Variants in APBA2 observed in about 807,000 individuals in gnomAD.
APBA2 encodes amyloid-beta A4 precursor protein-binding family A member 2.
APBA2 carries 30 observed loss-of-function variants against 75.0 expected under a neutral mutation model. The observed-to-expected ratio is 0.40, with a 90% confidence interval of 0.30 to 0.54. APBA2 has a LOEUF of 0.54. Among genes scored for constraint, APBA2 ranks in the 20% least tolerant of loss-of-function variants. The pLI, the probability that APBA2 is intolerant of heterozygous loss-of-function variation, is 0.49. For missense variants in APBA2, 801 were observed against 1,016.1 expected, an observed-to-expected ratio of 0.79 and a Z score of 2.88; for synonymous variants, 444 against 409.6, an observed-to-expected ratio of 1.08 and a Z score of -1.01.
At chr15:28,941,945 G>C (rs1009381098) in intron 2 of APBA2, among the ~76,000 whole-genome samples, 6 of 152,232 alleles carry the variant, frequency 3.9e-5, no homozygotes, top group African/African-American at 1.4e-4. Context: ...ATTTTTAGTA[G>C]AGACACGGTT....
At chr15:28,996,249 G>T (rs1471420583) in intron 3 of APBA2, among the ~76,000 whole-genome samples, 1 of 152,190 alleles carries the variant, frequency 6.6e-6, no homozygotes, top group African/African-American at 2.4e-5. Context: ...TCACTCTCCA[G>T]TGTGGGCAGT....
chr15:29,106,139 A>G (rs1440544154), intron 11 of APBA2, among the ~76,000 whole-genome samples: 1 of 152,244 alleles, frequency 6.6e-6, no homozygotes, highest in Non-Finnish European at 1.5e-5. Context: ...TTTCTGAGAC[A>G]GTGACCTTTG....
At chr15:28,942,405 A>G (rs1566823590) in intron 2 of APBA2, among the ~76,000 whole-genome samples, 1 of 151,778 alleles carries the variant, frequency 6.6e-6, no homozygotes, top group Non-Finnish European at 1.5e-5. Context: ...ACTTCATTCC[A>G]TGTTCTTTCC....
At chr15:29,115,072 G>A (rs2045007766) in intron 14 of APBA2, among the ~76,000 whole-genome samples, 1 of 151,952 alleles carries the variant, frequency 6.6e-6, no homozygotes, top group African/African-American at 2.4e-5. Context: ...TCTGGGAAGC[G>A]TGGTGGCCGC....
chr15:29,108,623 C>T (rs975758038), intron 13 of APBA2: 2 of 629,780 alleles, frequency 3.2e-6, no homozygotes, highest in Admixed American at 5.9e-5. Flanking sequence ...TCCAGCCTTT[C>T]CCAGGCTCCC....
chr15:29,086,290 G>A (rs930028154), intron 6 of APBA2, among the ~76,000 whole-genome samples: 1 of 152,186 alleles, frequency 6.6e-6, no homozygotes, highest in Admixed American at 6.5e-5. Context: ...TGCTGCCTGT[G>A]ACAGACGAGA....
chr15:28,970,969 T>G (rs2037035651), intron 2 of APBA2, among the ~76,000 whole-genome samples: 1 of 152,162 alleles, frequency 6.6e-6, no homozygotes, highest in Non-Finnish European at 1.5e-5. Context: ...TCAGCTGTTG[T>G]GCCTTGATGT....
At chr15:29,074,562 G>A (rs1403451327) in intron 4 of APBA2, among the ~76,000 whole-genome samples, 1 of 152,166 alleles carries the variant, frequency 6.6e-6, no homozygotes, top group Non-Finnish European at 1.5e-5. Flanking sequence ...TTTGGGAAGA[G>A]GAAGACATTC....
chr15:28,988,307 A>G (rs2038035362), intron 2 of APBA2, among the ~76,000 whole-genome samples: 1 of 147,220 alleles, frequency 6.8e-6, no homozygotes. Context: ...TCTGTTGCCC[A>G]GGCTGGAGTG....
At chr15:28,901,907 G>GCTGTGTGTGTGTGTGTGTGTGT in intron 1 of APBA2, among the ~76,000 whole-genome samples, 1 of 15,890 alleles carries the variant, frequency 6.3e-5, no homozygotes, top group Non-Finnish European at 1.2e-4. Context: ...GGGAGCTTTT[G>GCTGTGTGTGTGTGTGTGTGTGT]ATGTGTGTGT....
chr15:28,895,359 T>C (rs144958067), intron 1 of APBA2, among the ~76,000 whole-genome samples: 10 of 152,066 alleles, frequency 6.6e-5, no homozygotes, highest in Non-Finnish European at 1.5e-4. Flanking sequence ...GAGAGGGGAC[T>C]GCACAGGGCT....
chr15:29,048,853 G>T (rs1409777829), intron 3 of APBA2, among the ~76,000 whole-genome samples: 1 of 151,300 alleles, frequency 6.6e-6, no homozygotes, highest in Non-Finnish European at 1.5e-5. Flanking sequence ...TGAGGCAGGA[G>T]AATCACTTGA....
At chr15:29,024,101 ACCAT>A in intron 3 of APBA2, among the ~76,000 whole-genome samples, 1 of 149,000 alleles carries the variant, frequency 6.7e-6, no homozygotes, top group East Asian at 2.1e-4. Context: ...ACGGGGTTTC[ACCAT>A]GTTAGCCAGG....
chr15:29,077,900 G>A (rs1346443855), intron 6 of APBA2, among the ~76,000 whole-genome samples: 1 of 152,192 alleles, frequency 6.6e-6, no homozygotes, highest in African/African-American at 2.4e-5. Context: ...ATGGATATGG[G>A]AAAAGTTTCT....
chr15:29,089,933 C>T (rs2043477136), intron 6 of APBA2, among the ~76,000 whole-genome samples: 1 of 152,140 alleles, frequency 6.6e-6, no homozygotes. Flanking sequence ...GCAATTTCTA[C>T]CCAAACATGT....
chr15:29,082,300 T>A (rs2043117248), intron 6 of APBA2, among the ~76,000 whole-genome samples: 1 of 152,194 alleles, frequency 6.6e-6, no homozygotes, highest in African/African-American at 2.4e-5. Flanking sequence ...TGATATAAGT[T>A]TACATGGTGA....
In APBA2 at chr15:28,983,633, C is replaced by T. The variant is rs527349012; in HGVS notation, c.-94-12120C>T. On this transcript the variant is annotated intron_variant, in intron 2 of 14. Coordinates refer to ENST00000683413, the MANE Select transcript of APBA2 (RefSeq NM_001353788.2). ...AGCGCTGTCGGCTCATGGGCCCCACCCACCCACCTCGCGGTGTAGGAGGAT... is the reference window on the plus strand; with the variant it reads ...AGCGCTGTCGGCTCATGGGCCCCACTCACCCACCTCGCGGTGTAGGAGGAT... Among the ~76,000 whole-genome samples the T allele has an allele frequency of 4.6e-5, 7 of 152,314 alleles. No homozygotes were observed. The East Asian group carries it at 1.4e-3, about 29-fold the overall frequency.
At chr15:28,911,914 C>T (rs1412408210) in intron 1 of APBA2, among the ~76,000 whole-genome samples, 1 of 152,222 alleles carries the variant, frequency 6.6e-6, no homozygotes, top group South Asian at 2.1e-4. Flanking sequence ...AGCCAGACGT[C>T]ACTAGAGTAA....
chr15:29,043,639 CCTT>C (rs2041162216), intron 3 of APBA2, among the ~76,000 whole-genome samples: 1 of 152,014 alleles, frequency 6.6e-6, no homozygotes, highest in Non-Finnish European at 1.5e-5. Context: ...ACATGCTAAG[CCTT>C]TTGTAAATAT....
Sources: allele counts gnomAD v4.1 joint callset (sites outside exome capture counted in the v4.1 genomes callset), GRCh38; gene constraint gnomAD v4.1.1; transcripts MANE v1.5; gene names NCBI Gene and HGNC (gene_info 2026-07-23, HGNC 2026-07-21).